Variants in SENP5 observed in about 807,000 individuals in gnomAD.
SENP5 encodes the protein sentrin-specific protease 5.
Under a neutral mutation model 74.2 loss-of-function variants are expected in SENP5, and 21 were observed. The ratio of observed to expected loss-of-function variants is 0.28; its 90% CI spans 0.20 to 0.41. SENP5 has a LOEUF of 0.41. Among genes scored for constraint, SENP5 ranks in the 10% least tolerant of loss-of-function variants. SENP5 has a pLI of 1.00. For missense variants in SENP5, 717 were observed against 889.1 expected (o/e 0.81, Z 2.46); for synonymous variants, 311 against 312.7 (o/e 0.99, Z 0.06).
chr3:196,927,633 C>G (rs1429346394), intron 7 of SENP5, among the ~76,000 whole-genome samples, 163 bp from the exon 8 acceptor site: 1 of 119,500 alleles, frequency 8.4e-6, no homozygotes, highest in African/African-American at 3.3e-5. Context: ...AAGATCCTCT[C>G]TTTAAAAAAA....
chr3:196,880,430 G>A (rs1003153464), intron 1 of SENP5, among the ~76,000 whole-genome samples: 2 of 152,132 alleles, frequency 1.3e-5, no homozygotes, highest in South Asian at 4.1e-4. Flanking sequence ...GGCAATTAAC[G>A]TTGAGAGAAT....
intron 6 of SENP5, among the ~76,000 whole-genome samples, chr3:196,904,546 G>A (rs1160635920): frequency 6.6e-6 from 1 of 152,180 alleles, no homozygotes; most frequent in Non-Finnish European, 1.5e-5. Context: ...CCAGCACTTT[G>A]GGAGGCTGAG....
At chr3:196,919,508 GACCA>G (rs1480560859) in intron 6 of SENP5, among the ~76,000 whole-genome samples, 1 of 151,934 alleles carries the variant, frequency 6.6e-6, no homozygotes, top group Non-Finnish European at 1.5e-5. Flanking sequence ...AAAGAAACGT[GACCA>G]ACCAGGGGCG....
At chr3:196,896,080 T>C (rs9883316) in intron 2 of SENP5, among the ~76,000 whole-genome samples, 99,715 of 151,924 alleles carry the variant, frequency 0.66, 33,785 homozygotes, top group Non-Finnish European at 0.74. Flanking sequence ...GATTTAACTG[T>C]CATTTTATAA....
At chr3:196,896,917 C>T (rs1381432195) in intron 2 of SENP5, among the ~76,000 whole-genome samples, 1 of 152,116 alleles carries the variant, frequency 6.6e-6, no homozygotes, top group African/African-American at 2.4e-5. Flanking sequence ...CTAGGGTTCT[C>T]CTTGAAGATC....
At chr3:196,872,832 G>A (rs1025983779) in intron 1 of SENP5, among the ~76,000 whole-genome samples, 3 of 152,194 alleles carry the variant, frequency 2.0e-5, no homozygotes, top group African/African-American at 7.2e-5. Flanking sequence ...TGTCATTGCA[G>A]AAATTTTATT....
At chr3:196,875,173 C>T (rs1231978139) in intron 1 of SENP5, among the ~76,000 whole-genome samples, 1 of 152,194 alleles carries the variant, frequency 6.6e-6, no homozygotes, top group Non-Finnish European at 1.5e-5. Flanking sequence ...ATCAGTGATA[C>T]CACTATCTAC....
chr3:196,871,277 A>AAT (rs1713206708), intron 1 of SENP5, among the ~76,000 whole-genome samples: 1 of 152,160 alleles, frequency 6.6e-6, no homozygotes, highest in African/African-American at 2.4e-5. Context: ...TGAATCTCTA[A>AAT]AATTTTATTT....
intron 6 of SENP5, among the ~76,000 whole-genome samples, chr3:196,919,673 A>G (rs1715530562): frequency 6.6e-6 from 1 of 152,158 alleles, no homozygotes; most frequent in East Asian, 1.9e-4. Flanking sequence ...CATGCCTGCA[A>G]TACCAGCTAC....
At chr3:196,900,091 A>T in intron 4 of SENP5, 29 bp downstream of exon 4, 2 of 1,597,354 alleles carry the variant, frequency 1.3e-6, no homozygotes, top group Non-Finnish European at 1.7e-6. Flanking sequence ...TTCAGTGTGG[A>T]GAAGTTGCAG....
chr3:196,894,380 C>A (rs1029575542), intron 2 of SENP5, among the ~76,000 whole-genome samples: 2 of 151,936 alleles, frequency 1.3e-5, no homozygotes, highest in Non-Finnish European at 2.9e-5. Context: ...GCCTTATCCT[C>A]CCAAAGTGCT....
At chr3:196,901,529 T>C (rs1714700595) in intron 5 of SENP5, among the ~76,000 whole-genome samples, 1 of 152,204 alleles carries the variant, frequency 6.6e-6, no homozygotes, top group Non-Finnish European at 1.5e-5. Flanking sequence ...TGTATTTTTC[T>C]GAGTACACAA....
chr3:196,929,505 A>G, intron 8 of SENP5, 128 bp from the exon 9 acceptor site: 2 of 579,030 alleles, frequency 3.5e-6, no homozygotes, highest in South Asian at 4.8e-5. Flanking sequence ...TTGAGATATC[A>G]GATATACCAG....
At chr3:196,896,489 C>T (rs1389631729) in intron 2 of SENP5, among the ~76,000 whole-genome samples, 1 of 152,082 alleles carries the variant, frequency 6.6e-6, no homozygotes, top group Non-Finnish European at 1.5e-5. Flanking sequence ...AGGTCTCGCT[C>T]TGTTGCCCAG....
chr3:196,932,710 G>T lies in SENP5; in HGVS notation c.*1787G>T, dbSNP rs1361123358. 1.4e-5 allele frequency: 2 copies of T among 145,612 alleles called. No homozygotes were observed. The highest frequency in any genetic ancestry group is 3.0e-5 in the Non-Finnish European group (2 of 66,726). The allele number at this position is 145,612 out of a possible 1,614,324, so 9.0% of individuals were successfully genotyped here. On this transcript the variant is annotated 3_prime_UTR_variant, in exon 10 of 10. Coordinates refer to ENST00000323460, the MANE Select transcript of SENP5 (RefSeq NM_152699.5). ...GCAAACATGAGATTTTTCAAAACAT[G>T]CCAGAAATTTGCCTCTGATTTTTTT...
chr3:196,895,331 G>A (rs1045634502), intron 2 of SENP5, among the ~76,000 whole-genome samples: 5 of 142,724 alleles, frequency 3.5e-5, no homozygotes, highest in African/African-American at 1.3e-4. Flanking sequence ...GACTACAGGC[G>A]CCCGCCACCA....
At chr3:196,914,392 A>G (rs1715264080) in intron 6 of SENP5, 2 of 151,436 alleles carry the variant, frequency 1.3e-5, no homozygotes, top group Non-Finnish European at 2.9e-5. Flanking sequence ...GTTATATAGG[A>G]GAAAACATCT....
At position 196,899,635 on chromosome 3, in the gene SENP5, A is replaced by G. The variant is rs185813873; in HGVS notation, c.1514-31A>G. On this transcript the variant is annotated intron_variant, in intron 2 of 9. Transcript: ENST00000323460. ...TCTACTGAAAATGGCTTGTTTTTCC[A>G]TCTTAACTTTTCTTTCTTCCTTTAT... 2.4e-4 allele frequency: 349 copies of G among 1,427,418 alleles called. 2 individuals carry two copies. In the East Asian group the frequency reaches 7.5e-3, roughly 31 times the overall value. 88.4% of individuals were successfully genotyped at this position (1,427,418 alleles called of 1,614,324 possible). A position where few individuals can be genotyped will look rare whatever the true frequency, so the allele number is the denominator to read the frequency against.
chr3:196,923,764 C>G (rs1715712633), intron 7 of SENP5, among the ~76,000 whole-genome samples: 1 of 152,202 alleles, frequency 6.6e-6, no homozygotes, highest in South Asian at 2.1e-4. Flanking sequence ...AGATACTCCA[C>G]TTGGATTTTC....
Sources: gnomAD v4.1 joint callset for allele counts (sites outside exome capture counted in the v4.1 genomes callset) on GRCh38, gnomAD v4.1.1 for gene constraint, MANE v1.5 for transcripts, NCBI Gene and HGNC (gene_info 2026-07-23, HGNC 2026-07-21) for gene names.